STARD13: variants seen among roughly 807,000 people sequenced by gnomAD.
STARD13 encodes stAR-related lipid transfer protein 13.
A neutral mutation model predicts 106.4 loss-of-function variants in STARD13; 62 were observed. The ratio of observed to expected loss-of-function variants is 0.58; its 90% CI spans 0.48 to 0.72. The LOEUF is 0.72. STARD13 is among the 30% of genes least tolerant of loss of function. The pLI, the probability that STARD13 is intolerant of heterozygous loss-of-function variation, is 0.00. For missense variants in STARD13, 1,387 were observed against 1,424.0 expected (o/e 0.97, Z 0.42); for synonymous variants, 565 against 553.0 (o/e 1.02, Z -0.31).
chr13:33,537,919 G>C, the STARD13 span, among the ~76,000 whole-genome samples: 1 of 152,126 alleles, frequency 6.6e-6, no homozygotes, highest in African/African-American at 2.4e-5. Flanking sequence ...ACTCTAAAGA[G>C]AACTAGGGCA....
At chr13:33,373,098 G>A in the STARD13 span, among the ~76,000 whole-genome samples, 1 of 152,104 alleles carries the variant, frequency 6.6e-6, no homozygotes, top group Non-Finnish European at 1.5e-5. Context: ...TCCTCCAACT[G>A]TACTACAAAT....
the STARD13 span, among the ~76,000 whole-genome samples, chr13:33,525,591 GAAGT>G: frequency 1.3e-5 from 2 of 152,008 alleles, no homozygotes; most frequent in African/African-American, 4.8e-5. Flanking sequence ...TTATCAAATT[GAAGT>G]AATAAGTTTG....
the STARD13 span, among the ~76,000 whole-genome samples, chr13:33,383,904 G>T: frequency 6.6e-6 from 1 of 152,096 alleles, no homozygotes; most frequent in Non-Finnish European, 1.5e-5. Context: ...AGGAGGTGGA[G>T]TGTCGGGGGA....
upstream of STARD13, among the ~76,000 whole-genome samples, chr13:33,354,006 C>T (rs1441087300): frequency 6.6e-6 from 1 of 152,184 alleles, no homozygotes. Flanking sequence ...GTTTCCCTTC[C>T]GGATGGGTAT....
the STARD13 span, among the ~76,000 whole-genome samples, chr13:33,564,988 C>CAAA: frequency 4.2e-5 from 2 of 47,262 alleles, no homozygotes; most frequent in Non-Finnish European, 8.6e-5. Flanking sequence ...GACTCTGTCT[C>CAAA]AAAAAAAAAA....
chr13:33,589,902 TA>T, the STARD13 span, among the ~76,000 whole-genome samples: 1 of 152,302 alleles, frequency 6.6e-6, no homozygotes, highest in East Asian at 1.9e-4. Context: ...AGTGGGGTGT[TA>T]AAGTCTCCCA....
the STARD13 span, among the ~76,000 whole-genome samples, chr13:33,381,555 C>T: frequency 2.0e-5 from 3 of 152,084 alleles, no homozygotes; most frequent in Non-Finnish European, 4.4e-5. Context: ...GCCTGACCAA[C>T]ATGATGAAAC....
the STARD13 span, among the ~76,000 whole-genome samples, chr13:33,609,349 C>G: frequency 1.3e-5 from 2 of 152,070 alleles, no homozygotes; most frequent in African/African-American, 2.4e-5. Flanking sequence ...CTCAACTTCA[C>G]TAGTTCTCAC....
At chr13:33,186,049 G>A (rs1267838034) in intron 1 of STARD13, 2 of 1,613,610 alleles carry the variant, frequency 1.2e-6, no homozygotes, top group Non-Finnish European at 8.5e-7. Context: ...TCAGAGCAAG[G>A]AGCAGATGAT....
At chr13:33,645,406 G>T in the STARD13 span, among the ~76,000 whole-genome samples, 1 of 152,166 alleles carries the variant, frequency 6.6e-6, no homozygotes, top group Non-Finnish European at 1.5e-5. Context: ...GATTCACCCA[G>T]CTGAGCTCAG....
intron 1 of STARD13, among the ~76,000 whole-genome samples, chr13:33,253,551 G>A (rs1890190829): frequency 6.6e-6 from 1 of 152,124 alleles, no homozygotes; most frequent in Admixed American, 6.5e-5. Flanking sequence ...CATGCTGTTG[G>A]GCTCTAGCTG....
At chr13:33,426,581 T>A in the STARD13 span, among the ~76,000 whole-genome samples, 1 of 152,228 alleles carries the variant, frequency 6.6e-6, no homozygotes, top group Non-Finnish European at 1.5e-5. Context: ...TTTCATTATA[T>A]CTTCTAATGT....
At chr13:33,197,298 C>A (rs1886693930) in intron 1 of STARD13, among the ~76,000 whole-genome samples, 1 of 152,152 alleles carries the variant, frequency 6.6e-6, no homozygotes. Context: ...ATGTGAGGCA[C>A]CCTGTAAGCG....
At chr13:33,663,754 G>T in the STARD13 span, among the ~76,000 whole-genome samples, 1 of 152,208 alleles carries the variant, frequency 6.6e-6, no homozygotes, top group African/African-American at 2.4e-5. Context: ...GGACAGCAGA[G>T]CAGGAGGGAG....
chr13:33,126,356 G>A, intron 6 of STARD13, 116 bp from the exon 7 acceptor site: 1 of 978,430 alleles, frequency 1.0e-6, no homozygotes, highest in Non-Finnish European at 1.6e-6. Context: ...CAGATGCGGG[G>A]TGAATTCAAC....
At chr13:33,524,259 A>G in the STARD13 span, 1 of 1,276,700 alleles carries the variant, frequency 7.8e-7, no homozygotes, top group Non-Finnish European at 1.0e-6. Flanking sequence ...GTTGAGTTCC[A>G]GTTGACATTT....
At chr13:33,621,416 G>A in the STARD13 span, among the ~76,000 whole-genome samples, 18 of 151,934 alleles carry the variant, frequency 1.2e-4, 1 homozygote, top group Admixed American at 9.8e-4. Flanking sequence ...AGTCGCTTAC[G>A]CCTGTAATCC....
chr13:33,658,302 A>G, the STARD13 span: 1 of 152,254 alleles, frequency 6.6e-6, no homozygotes, highest in Non-Finnish European at 1.5e-5. Context: ...TTGTTTATCC[A>G]TTCATCCATT....
At chr13:33,168,698 C>G (rs76359166) in intron 1 of STARD13, among the ~76,000 whole-genome samples, 1 of 147,704 alleles carries the variant, frequency 6.8e-6, no homozygotes, top group Admixed American at 6.7e-5. Context: ...GTGTACAGGG[C>G]GTTCTTGGGA....
Sources: gnomAD v4.1 joint callset for allele counts (sites outside exome capture counted in the v4.1 genomes callset) on GRCh38, gnomAD v4.1.1 for gene constraint, MANE v1.5 for transcripts, NCBI Gene and HGNC (gene_info 2026-07-23, HGNC 2026-07-21) for gene names.